The following PBX1 variants were observed in gnomAD, a reference collection of about 807,000 sequenced individuals.
PBX1 encodes PBX homeobox 1.
In PBX1, 6 loss-of-function variants were observed where a neutral mutation model predicts 53.4. The observed-to-expected ratio is 0.11, with a 90% CI of 0.06 to 0.22. The LOEUF (loss-of-function observed/expected upper bound fraction) is 0.22, where lower values mean the gene tolerates loss of function less well. Ranked by LOEUF, PBX1 falls within the 10% of genes least tolerant of loss-of-function variation. PBX1 has a pLI of 1.00. For missense variants in PBX1, 251 were observed against 551.4 expected, an observed-to-expected ratio of 0.46 and a Z score of 5.46; for synonymous variants, 204 against 212.3, an observed-to-expected ratio of 0.96 and a Z score of 0.34.
At chr1:164,613,759 T>C (rs751953027) in intron 2 of PBX1, among the ~76,000 whole-genome samples, 1 of 152,076 alleles carries the variant, frequency 6.6e-6, no homozygotes, top group African/African-American at 2.4e-5. Flanking sequence ...GAGAGTGTCT[T>C]GAGGTAGAAA....
intron 2 of PBX1, among the ~76,000 whole-genome samples, chr1:164,653,884 G>C (rs760621183): frequency 6.6e-6 from 1 of 152,136 alleles, no homozygotes; most frequent in Non-Finnish European, 1.5e-5. Flanking sequence ...CTCATTGTCT[G>C]CTTCATTGTC....
chr1:164,766,849 C>T (rs1667084315), intron 2 of PBX1, among the ~76,000 whole-genome samples: 1 of 151,524 alleles, frequency 6.6e-6, no homozygotes, highest in Non-Finnish European at 1.5e-5. Context: ...GCCTCAGCCT[C>T]CTTGAGTAGC....
At position 164,743,112 on chromosome 1, in the gene PBX1, G is replaced by A. The variant is rs80136930; in HGVS notation, c.266-49382G>A. Among the ~76,000 whole-genome samples the A allele has an allele frequency of 7.9e-3, 1,208 of 152,252 alleles. 11 individuals are homozygous for A. The highest frequency in any genetic ancestry group is 0.028 in the African/African-American group (1,159 of 41,530). On this transcript the variant is annotated intron_variant, in intron 2 of 8. Coordinates refer to ENST00000420696, the MANE Select transcript of PBX1 (RefSeq NM_002585.4). ...CCAGAGAAACCCAGCTAGCCTAAAGGGGGTGCCTGTAGTGGTATTTTAGCT... is the reference window on the plus strand; with the variant it reads ...CCAGAGAAACCCAGCTAGCCTAAAGAGGGTGCCTGTAGTGGTATTTTAGCT...
intron 2 of PBX1, among the ~76,000 whole-genome samples, chr1:164,653,571 G>A (rs572156696): frequency 2.3e-4 from 35 of 152,110 alleles, no homozygotes; most frequent in Admixed American, 1.0e-3. Context: ...TCAGGAGTTC[G>A]AGACCAGCCT....
At chr1:164,729,429 AT>A (rs1664868601) in intron 2 of PBX1, among the ~76,000 whole-genome samples, 1 of 152,154 alleles carries the variant, frequency 6.6e-6, no homozygotes, top group Admixed American at 6.5e-5. Context: ...ATTTATGCAA[AT>A]TAACACAAAC....
chr1:164,665,550 G>A (rs1439653305), intron 2 of PBX1, among the ~76,000 whole-genome samples: 3 of 152,160 alleles, frequency 2.0e-5, no homozygotes, highest in Non-Finnish European at 4.4e-5. Context: ...GCCTTCCAAA[G>A]TGCTGGGATT....
chr1:164,824,797 G>A (rs1670366995), intron 8 of PBX1, among the ~76,000 whole-genome samples: 1 of 152,160 alleles, frequency 6.6e-6, no homozygotes, highest in Non-Finnish European at 1.5e-5. Context: ...CCACTTCTCT[G>A]TCAATCAGAC....
intron 2 of PBX1, among the ~76,000 whole-genome samples, chr1:164,879,840 G>A (rs1261520033): frequency 3.3e-5 from 5 of 151,914 alleles, no homozygotes; most frequent in South Asian, 2.1e-4. Flanking sequence ...ATTCTAATCC[G>A]TATTCCATTG....
intron 2 of PBX1, among the ~76,000 whole-genome samples, chr1:164,670,343 C>G (rs1429382510): frequency 6.6e-6 from 1 of 152,162 alleles, no homozygotes; most frequent in Admixed American, 6.5e-5. Flanking sequence ...CAATCCCTTT[C>G]CAGGAGAATA....
intron 8 of PBX1, among the ~76,000 whole-genome samples, chr1:164,834,796 T>C (rs1670951621): frequency 6.6e-6 from 1 of 152,258 alleles, no homozygotes; most frequent in South Asian, 2.1e-4. Flanking sequence ...CTAAGACCTG[T>C]GGTTGGCTAT....
intron 4 of PBX1, among the ~76,000 whole-genome samples, chr1:164,804,271 A>T (rs1285229183): frequency 6.6e-6 from 1 of 152,200 alleles, no homozygotes; most frequent in Non-Finnish European, 1.5e-5. Flanking sequence ...TTATTTTAAG[A>T]TAAACATTGA....
In PBX1 at chr1:164,870,834, C is replaced by T. The variant is rs566649977; in HGVS notation, n.258-28354C>T. ...TTCAGGGTTCCTCTGGACAGGGTTC[C>T]AGTGGGAGGCCATGGGGCATCACTC... On this transcript the variant is annotated intron_variant and non_coding_transcript_variant, in intron 2 of 2. Transcript: ENST00000558796. 2.0e-5 allele frequency among the ~76,000 whole-genome samples: 3 copies of T among 152,258 alleles called. No homozygotes were observed. The East Asian group carries it at 5.8e-4, about 30-fold the overall frequency.
intron 2 of PBX1, among the ~76,000 whole-genome samples, chr1:164,614,166 C>T (rs1337183322): frequency 6.6e-6 from 1 of 152,136 alleles, no homozygotes; most frequent in Non-Finnish European, 1.5e-5. Flanking sequence ...TGATTGGGTC[C>T]TCCTTGTGTG....
chr1:164,650,529 G>A (rs576944556), intron 2 of PBX1, among the ~76,000 whole-genome samples: 10 of 152,010 alleles, frequency 6.6e-5, no homozygotes, highest in South Asian at 2.1e-4. Flanking sequence ...CCTAACTATC[G>A]TTGCTACTTT....
At chr1:164,829,371 C>A (rs930601909) in intron 8 of PBX1, 1 of 152,148 alleles carries the variant, frequency 6.6e-6, no homozygotes, top group Non-Finnish European at 1.5e-5. Context: ...AAAAGCTGTT[C>A]TTTGCTTCTA....
chr1:164,661,940 G>T (rs1268476215), intron 2 of PBX1, among the ~76,000 whole-genome samples: 2 of 152,142 alleles, frequency 1.3e-5, no homozygotes, highest in Non-Finnish European at 2.9e-5. Context: ...TTCATGGAGG[G>T]CATCAATTGC....
At chr1:164,839,624 C>A (rs1671197867) in intron 8 of PBX1, among the ~76,000 whole-genome samples, 1 of 152,112 alleles carries the variant, frequency 6.6e-6, no homozygotes. Context: ...GCAAAAAAAT[C>A]CTCTCACTTG....
intron 8 of PBX1, among the ~76,000 whole-genome samples, chr1:164,840,237 A>G (rs1020220922): frequency 9.9e-5 from 15 of 152,158 alleles, no homozygotes; most frequent in African/African-American, 3.4e-4. Flanking sequence ...TGAGTTACCT[A>G]TGGTACCAAA....
chr1:164,835,239 G>GTTTTTT (rs71670294), intron 8 of PBX1, among the ~76,000 whole-genome samples: 1 of 136,114 alleles, frequency 7.3e-6, no homozygotes, highest in Admixed American at 7.4e-5. Flanking sequence ...TTTGATTTTG[G>GTTTTTT]TTTTTTTTTT....
Sources: allele counts gnomAD v4.1 joint callset (sites outside exome capture counted in the v4.1 genomes callset), GRCh38; gene constraint gnomAD v4.1.1; transcripts MANE v1.5; gene names NCBI Gene and HGNC (gene_info 2026-07-23, HGNC 2026-07-21).